Variants in GALNTL6 observed in about 807,000 individuals in gnomAD.
GALNTL6 encodes the protein polypeptide N-acetylgalactosaminyltransferase like 6, also known as polypeptide N-acetylgalactosaminyltransferase-like 6.
Under a neutral mutation model 73.7 loss-of-function variants are expected in GALNTL6, and 46 were observed. That is an observed-to-expected ratio of 0.62 (90% confidence interval 0.49 to 0.80). The LOEUF is 0.80. Among genes scored for constraint, GALNTL6 ranks in the 30% least tolerant of loss-of-function variants. The pLI, the probability that GALNTL6 is intolerant of heterozygous loss-of-function variation, is 0.00. For synonymous variants in GALNTL6, 259 were observed against 263.7 expected, an observed-to-expected ratio of 0.98 and a Z score of 0.17; for missense variants, 604 against 755.0, an observed-to-expected ratio of 0.80 and a Z score of 2.34.
chr4:172,421,386 G>A (rs941203093), intron 5 of GALNTL6, among the ~76,000 whole-genome samples: 1 of 151,918 alleles, frequency 6.6e-6, no homozygotes, highest in African/African-American at 2.4e-5. Flanking sequence ...AAACATTGGT[G>A]CCAGAATATG....
chr4:172,715,521 G>GGA (rs1735020958), intron 5 of GALNTL6, among the ~76,000 whole-genome samples: 1 of 151,946 alleles, frequency 6.6e-6, no homozygotes, highest in Non-Finnish European at 1.5e-5. Context: ...GTAAGGAGGT[G>GGA]GTAGTATTGT....
At chr4:172,769,234 A>G (rs1738618303) in intron 5 of GALNTL6, among the ~76,000 whole-genome samples, 1 of 152,148 alleles carries the variant, frequency 6.6e-6, no homozygotes, top group South Asian at 2.1e-4. Flanking sequence ...ATTCAGAGAC[A>G]TTGCTCTGGA....
At chr4:172,006,398 T>A (rs1169776565) in intron 2 of GALNTL6, among the ~76,000 whole-genome samples, 2 of 151,994 alleles carry the variant, frequency 1.3e-5, no homozygotes, top group Non-Finnish European at 2.9e-5. Context: ...GCAGCGGAAG[T>A]GGGAGGATTG....
chr4:172,178,274 C>T (rs1400729931), intron 2 of GALNTL6, among the ~76,000 whole-genome samples: 1 of 152,054 alleles, frequency 6.6e-6, no homozygotes, highest in Non-Finnish European at 1.5e-5. Context: ...TATTTGAGTT[C>T]TATTTTCTTT....
intron 2 of GALNTL6, among the ~76,000 whole-genome samples, chr4:172,193,270 G>T (rs981356098): frequency 6.6e-6 from 1 of 152,172 alleles, no homozygotes; most frequent in African/African-American, 2.4e-5. Context: ...GAGCATTCCT[G>T]CCAGCATCAG....
chr4:173,015,924 C>T (rs1752763482), intron 11 of GALNTL6, among the ~76,000 whole-genome samples: 1 of 152,196 alleles, frequency 6.6e-6, no homozygotes, highest in Non-Finnish European at 1.5e-5. Context: ...TGGGCCAGGC[C>T]CAGGGCCCCC....
chr4:172,424,217 G>C (rs913518319), intron 5 of GALNTL6, among the ~76,000 whole-genome samples: 5 of 151,948 alleles, frequency 3.3e-5, no homozygotes, highest in Non-Finnish European at 7.4e-5. Flanking sequence ...TTTTGATTTT[G>C]TTATTTTTTA....
At chr4:172,699,360 A>G (rs1733891276) in intron 5 of GALNTL6, among the ~76,000 whole-genome samples, 1 of 152,168 alleles carries the variant, frequency 6.6e-6, no homozygotes, top group African/African-American at 2.4e-5. Context: ...GTATCTGTGC[A>G]TGTGTAACTA....
intron 2 of GALNTL6, among the ~76,000 whole-genome samples, chr4:172,043,427 C>T (rs1742141183): frequency 6.6e-6 from 1 of 151,868 alleles, no homozygotes; most frequent in South Asian, 2.1e-4. Flanking sequence ...TGGAAGAGGC[C>T]AGACTTTATT....
chr4:172,923,123 A>G (rs1006803273), intron 8 of GALNTL6, among the ~76,000 whole-genome samples: 4 of 152,124 alleles, frequency 2.6e-5, no homozygotes, highest in African/African-American at 9.7e-5. Flanking sequence ...GCTGACAAGG[A>G]GGGGAAGAGA....
Position 172,749,206 on chromosome 4 carries a change from T to A in GALNTL6, c.554-60155T>A, listed in dbSNP as rs151071032. On this transcript the variant is annotated intron_variant, in intron 5 of 12. Transcript: ENST00000506823. ...AAGATAACCACAAAAAAGGTAATCATGTATGTCACTGTTTTTCTTTGAGAC... is the reference window on the plus strand; with the variant it reads ...AAGATAACCACAAAAAAGGTAATCAAGTATGTCACTGTTTTTCTTTGAGAC... 1.0e-3 allele frequency among the ~76,000 whole-genome samples: 153 copies of A among 152,268 alleles called. 2 individuals carry two copies. The South Asian group carries it at 0.021, about 21-fold the overall frequency.
intron 7 of GALNTL6, among the ~76,000 whole-genome samples, chr4:172,830,984 A>G (rs1244244723): frequency 6.6e-6 from 1 of 151,908 alleles, no homozygotes; most frequent in East Asian, 1.9e-4. Context: ...ACATGGTGAA[A>G]CCCTGTCTCT....
chr4:172,343,558 T>C (rs1319126734), intron 4 of GALNTL6, among the ~76,000 whole-genome samples: 1 of 152,032 alleles, frequency 6.6e-6, no homozygotes, highest in Non-Finnish European at 1.5e-5. Context: ...ATCAATGAAA[T>C]AAAAAAGATA....
At chr4:172,473,973 A>G (rs966325966) in intron 5 of GALNTL6, among the ~76,000 whole-genome samples, 7 of 152,134 alleles carry the variant, frequency 4.6e-5, no homozygotes, top group Admixed American at 3.3e-4. Context: ...GAGCTCTGCA[A>G]TGTGTTCCAT....
chr4:171,896,059 C>T (rs1553968007), intron 2 of GALNTL6, among the ~76,000 whole-genome samples: 8 of 151,926 alleles, frequency 5.3e-5, no homozygotes, highest in Non-Finnish European at 2.9e-5. Context: ...ACTAAATAAC[C>T]TAACATAAGT....
chr4:172,491,746 ATC>A (rs1290481835), intron 5 of GALNTL6, among the ~76,000 whole-genome samples: 1 of 152,128 alleles, frequency 6.6e-6, no homozygotes, highest in Non-Finnish European at 1.5e-5. Flanking sequence ...TTTAAAAATT[ATC>A]TCTTTTTTAT....
intron 2 of GALNTL6, among the ~76,000 whole-genome samples, chr4:172,141,239 G>A (rs976742321): frequency 5.9e-5 from 9 of 151,986 alleles, no homozygotes; most frequent in South Asian, 2.1e-4. Flanking sequence ...CACACATCCT[G>A]TTCTTAGATT....
At chr4:172,821,036 A>T (rs1042984731) in intron 7 of GALNTL6, among the ~76,000 whole-genome samples, 1 of 152,236 alleles carries the variant, frequency 6.6e-6, no homozygotes, top group African/African-American at 2.4e-5. Context: ...CCCCTCAATT[A>T]AACTGGCCAA....
chr4:173,039,497 G>A (rs1252850226), intron 12 of GALNTL6, among the ~76,000 whole-genome samples: 1 of 152,036 alleles, frequency 6.6e-6, no homozygotes, highest in Non-Finnish European at 1.5e-5. Flanking sequence ...GTGTGAGCAG[G>A]GGGTATTATT....
Sources: allele counts gnomAD v4.1 joint callset (sites outside exome capture counted in the v4.1 genomes callset), GRCh38; gene constraint gnomAD v4.1.1; transcripts MANE v1.5; gene names NCBI Gene and HGNC (gene_info 2026-07-23, HGNC 2026-07-21).